RABGAP1L: variants seen among roughly 807,000 people sequenced by gnomAD.
RABGAP1L encodes the protein RAB GTPase activating protein 1 like.
RABGAP1L carries 63 observed loss-of-function variants against 137.7 expected under a neutral mutation model. The ratio of observed to expected loss-of-function variants is 0.46; its 90% CI spans 0.37 to 0.56. RABGAP1L has a LOEUF of 0.56. Ranked by LOEUF, RABGAP1L falls within the 20% of genes least tolerant of loss-of-function variation. The pLI is 0.00. For synonymous variants in RABGAP1L, 431 were observed against 433.7 expected (o/e 0.99, Z 0.08); for missense variants, 1,095 against 1,244.0 (o/e 0.88, Z 1.80).
intron 13 of RABGAP1L, among the ~76,000 whole-genome samples, chr1:174,504,170 G>C (rs985819432): frequency 6.6e-6 from 1 of 151,370 alleles, no homozygotes; most frequent in African/African-American, 2.4e-5. Flanking sequence ...TTAGGGTTTC[G>C]CCATGTTGCC....
intron 13 of RABGAP1L, among the ~76,000 whole-genome samples, chr1:174,492,343 A>T (rs1348232236): frequency 2.2e-5 from 3 of 133,528 alleles, no homozygotes; most frequent in African/African-American, 1.0e-4. Flanking sequence ...ACCACGCCTG[A>T]CTAATTTTTT....
chr1:174,495,731 T>C (rs1660675757), intron 13 of RABGAP1L, among the ~76,000 whole-genome samples: 1 of 152,220 alleles, frequency 6.6e-6, no homozygotes, highest in African/African-American at 2.4e-5. Flanking sequence ...TAATTAGTTA[T>C]AGTAATCATA....
chr1:174,632,877 C>A lies in RABGAP1L; in HGVS notation c.1711-4498C>A, dbSNP rs572422469. On this transcript the variant is annotated intron_variant, in intron 13 of 25. Coordinates refer to ENST00000681986, the MANE Select transcript of RABGAP1L (RefSeq NM_001366446.1). ...CTCAGAGTAATTTGATCGTCTGAAG[C>A]CTTCTTCTCTCAGCTCGTCAAAATC... 4.4e-3 allele frequency among the ~76,000 whole-genome samples: 661 copies of A among 151,354 alleles called. 7 individuals carry two copies. The highest frequency in any genetic ancestry group is 0.015 in the African/African-American group (624 of 41,004).
At position 174,374,942 on chromosome 1, in the gene RABGAP1L, A is replaced by G. The variant is rs544220173; in HGVS notation, c.1559+3870A>G. The stretch of plus-strand genomic sequence containing the variant: ...TTATATCACCATTCTTGAGGAATTT[A>G]CAATAACAGTCTGGGCTGTTTCATT... On this transcript the variant is annotated intron_variant, in intron 12 of 25. Coordinates refer to ENST00000681986, the MANE Select transcript of RABGAP1L (RefSeq NM_001366446.1). Among the ~76,000 whole-genome samples the G allele has an allele frequency of 2.2e-4, 34 of 152,300 alleles. 1 individual carries two copies. The East Asian group carries it at 4.1e-3, about 18-fold the overall frequency.
intron 19 of RABGAP1L, among the ~76,000 whole-genome samples, chr1:174,902,457 T>C (rs554912918): frequency 6.6e-6 from 1 of 152,304 alleles, no homozygotes; most frequent in African/African-American, 2.4e-5. Flanking sequence ...GCTGCTTGAC[T>C]CCCTGGATTC....
intron 5 of RABGAP1L, among the ~76,000 whole-genome samples, chr1:174,248,686 G>T (rs1445606664): frequency 6.6e-6 from 1 of 152,124 alleles, no homozygotes; most frequent in Non-Finnish European, 1.5e-5. Context: ...AGAAAAAGTG[G>T]CAGAATATGT....
chr1:174,260,369 C>T (rs376876884), intron 7 of RABGAP1L, among the ~76,000 whole-genome samples: 3 of 152,116 alleles, frequency 2.0e-5, no homozygotes, highest in Admixed American at 6.5e-5. Flanking sequence ...TTTAAAAGTG[C>T]GAACTTAGAT....
rs201265774 is a variant in RABGAP1L, at chr1:174,851,439, T to C, written c.2340+39479T>C. ...TCTCCAATTGTGCAGAGAATGAATT[T>C]TTTATATCTGTCTCAGTCTTTAGAA... On this transcript the variant is annotated intron_variant, in intron 19 of 25. Transcript: ENST00000681986. Among the ~76,000 whole-genome samples the C allele has an allele frequency of 4.2e-4, 30 of 71,680 alleles. No individual in the cohort carries two copies. In the East Asian group the frequency reaches 0.025, roughly 59 times the overall value. 47.0% of individuals were successfully genotyped at this position (71,680 alleles called of 152,430 possible).
intron 19 of RABGAP1L, among the ~76,000 whole-genome samples, chr1:174,849,464 T>C (rs1022485152): frequency 1.3e-5 from 2 of 152,162 alleles, no homozygotes; most frequent in Non-Finnish European, 2.9e-5. Context: ...CATGCTGACA[T>C]GTACATATAA....
intron 13 of RABGAP1L, among the ~76,000 whole-genome samples, chr1:174,434,987 T>A (rs922667021): frequency 6.6e-6 from 1 of 152,220 alleles, no homozygotes; most frequent in Non-Finnish European, 1.5e-5. Context: ...TTTATTAAAC[T>A]TTTTTATAGT....
chr1:174,215,445 G>A (rs1211121196), intron 1 of RABGAP1L, among the ~76,000 whole-genome samples: 3 of 139,254 alleles, frequency 2.2e-5, no homozygotes, highest in African/African-American at 5.3e-5. Flanking sequence ...CGACAAGAGC[G>A]AAACTCCATC....
intron 13 of RABGAP1L, among the ~76,000 whole-genome samples, chr1:174,550,999 CAT>C (rs549477266): frequency 0.05 from 4,346 of 86,242 alleles, 264 homozygotes; most frequent in Middle Eastern, 0.12. Context: ...TATATATACA[CAT>C]ATATATATAT....
chr1:174,672,187 CT>C (rs1377683511), intron 14 of RABGAP1L, among the ~76,000 whole-genome samples: 1 of 150,774 alleles, frequency 6.6e-6, no homozygotes, highest in Non-Finnish European at 1.5e-5. Context: ...TTTTTTATCT[CT>C]GATTTTGAGT....
intron 13 of RABGAP1L, among the ~76,000 whole-genome samples, chr1:174,549,082 A>G (rs1666239836): frequency 6.6e-6 from 1 of 152,158 alleles, no homozygotes. Flanking sequence ...CAAAGTGGAT[A>G]CTGAAAACTA....
At chr1:174,531,007 G>T (rs771050737) in intron 13 of RABGAP1L, among the ~76,000 whole-genome samples, 11 of 152,214 alleles carry the variant, frequency 7.2e-5, no homozygotes, top group Non-Finnish European at 1.5e-4. Context: ...TAAAATTAGA[G>T]AACTCATAGC....
At chr1:174,605,106 A>C (rs570021118) in intron 13 of RABGAP1L, among the ~76,000 whole-genome samples, 1 of 152,222 alleles carries the variant, frequency 6.6e-6, no homozygotes, top group South Asian at 2.1e-4. Flanking sequence ...ACACCATTGC[A>C]CTCCAGCATG....
At chr1:174,912,080 A>T (rs1660144699) in intron 19 of RABGAP1L, among the ~76,000 whole-genome samples, 1 of 152,270 alleles carries the variant, frequency 6.6e-6, no homozygotes, top group African/African-American at 2.4e-5. Flanking sequence ...GCCTTATCAC[A>T]AGAAATAGCA....
intron 13 of RABGAP1L, among the ~76,000 whole-genome samples, chr1:174,438,729 A>C (rs1653741602): frequency 1.9e-5 from 2 of 107,864 alleles, no homozygotes; most frequent in South Asian, 5.6e-4. Context: ...AAAAACCCAA[A>C]AAAAGTGTGT....
intron 20 of RABGAP1L, among the ~76,000 whole-genome samples, chr1:174,964,522 C>T (rs1669443948): frequency 6.6e-6 from 1 of 152,102 alleles, no homozygotes; most frequent in South Asian, 2.1e-4. Flanking sequence ...TTTGCATTGC[C>T]CTGCCCAGCA....
Sources: gnomAD v4.1 joint callset for allele counts (sites outside exome capture counted in the v4.1 genomes callset) on GRCh38, gnomAD v4.1.1 for gene constraint, MANE v1.5 for transcripts, NCBI Gene and HGNC (gene_info 2026-07-23, HGNC 2026-07-21) for gene names.